RFX3: variants seen among roughly 807,000 people sequenced by gnomAD.
The protein encoded by RFX3 is regulatory factor X3.
RFX3 carries 14 observed loss-of-function variants against 98.6 expected under a neutral mutation model. The observed-to-expected ratio is 0.14, with a 90% CI of 0.09 to 0.22. The LOEUF (loss-of-function observed/expected upper bound fraction) is 0.22, where lower values mean the gene tolerates loss of function less well. Among genes scored for constraint, RFX3 ranks in the 10% least tolerant of loss-of-function variants. RFX3 has a pLI of 1.00. For synonymous variants in RFX3, 383 were observed against 328.4 expected, an observed-to-expected ratio of 1.17 and a Z score of -1.80; for missense variants, 639 against 926.9, an observed-to-expected ratio of 0.69 and a Z score of 4.03.
intron 1 of RFX3, among the ~76,000 whole-genome samples, chr9:3,411,698 C>T (rs915479389): frequency 1.3e-5 from 2 of 151,510 alleles, no homozygotes; most frequent in Non-Finnish European, 2.9e-5. Flanking sequence ...ACCATGTTGG[C>T]CAGGCTGGTC....
At chr9:3,274,663 G>T (rs658368) in intron 9 of RFX3, among the ~76,000 whole-genome samples, 3 of 152,152 alleles carry the variant, frequency 2.0e-5, no homozygotes, top group African/African-American at 7.2e-5. Context: ...ACCTAAGGTG[G>T]TTTATTAAAC....
chr9:3,311,104 T>G, intron 4 of RFX3, among the ~76,000 whole-genome samples: 1 of 152,228 alleles, frequency 6.6e-6, no homozygotes, highest in Non-Finnish European at 1.5e-5. Flanking sequence ...TCTGTTAACA[T>G]CATCAGTGAG....
At chr9:3,391,487 C>G (rs539342588) in intron 2 of RFX3, among the ~76,000 whole-genome samples, 6 of 152,206 alleles carry the variant, frequency 3.9e-5, no homozygotes, top group Admixed American at 2.0e-4. Flanking sequence ...ACCTTCTTTG[C>G]TCGGTGTAAA....
intron 1 of RFX3, among the ~76,000 whole-genome samples, chr9:3,447,975 C>G (rs1846196032): frequency 1.3e-5 from 2 of 152,054 alleles, no homozygotes; most frequent in Admixed American, 6.6e-5. Flanking sequence ...CAACTATGAG[C>G]CAATGGGAAG....
At chr9:3,379,845 TTA>T (rs1421626322) in intron 2 of RFX3, among the ~76,000 whole-genome samples, 1 of 152,120 alleles carries the variant, frequency 6.6e-6, no homozygotes, top group Non-Finnish European at 1.5e-5. Context: ...ACTACATCAA[TTA>T]TTTTTTCATT....
At chr9:3,376,608 T>C (rs1838527562) in intron 2 of RFX3, among the ~76,000 whole-genome samples, 1 of 152,148 alleles carries the variant, frequency 6.6e-6, no homozygotes, top group Admixed American at 6.5e-5. Flanking sequence ...CTAACTGAAC[T>C]AAAGAGCTTC....
At chr9:3,434,477 T>A (rs1175654258) in intron 1 of RFX3, among the ~76,000 whole-genome samples, 1 of 152,126 alleles carries the variant, frequency 6.6e-6, no homozygotes, top group African/African-American at 2.4e-5. Flanking sequence ...CTACAAAAGC[T>A]AGTTGTTGAC....
chr9:3,512,514 TTG>T (rs1302590384), intron 1 of RFX3, among the ~76,000 whole-genome samples: 2 of 151,948 alleles, frequency 1.3e-5, no homozygotes, highest in African/African-American at 4.8e-5. Context: ...TATGCTAATT[TTG>T]TGTTTTTTAT....
At chr9:3,486,599 T>C (rs1850296124) in intron 1 of RFX3, among the ~76,000 whole-genome samples, 1 of 152,210 alleles carries the variant, frequency 6.6e-6, no homozygotes, top group Non-Finnish European at 1.5e-5. Context: ...TCAGAGTGTT[T>C]AGTTTAGTAC....
At chr9:3,495,188 C>T (rs1450000419) in intron 1 of RFX3, among the ~76,000 whole-genome samples, 1 of 151,632 alleles carries the variant, frequency 6.6e-6, no homozygotes, top group Non-Finnish European at 1.5e-5. Flanking sequence ...AAAAAGATAA[C>T]CATAAAGCAA....
intron 1 of RFX3, among the ~76,000 whole-genome samples, chr9:3,419,967 GC>G (rs1843304484): frequency 6.6e-6 from 1 of 152,180 alleles, no homozygotes. Context: ...AAATCAATCA[GC>G]TTTTTCTCCT....
At chr9:3,503,841 T>C (rs1587876567) in intron 1 of RFX3, among the ~76,000 whole-genome samples, 1 of 152,070 alleles carries the variant, frequency 6.6e-6, no homozygotes, top group Non-Finnish European at 1.5e-5. Context: ...GAAGCCATCA[T>C]ATGCAAAGAT....
intron 1 of RFX3, among the ~76,000 whole-genome samples, chr9:3,492,645 T>A (rs147315742): frequency 6.6e-5 from 10 of 152,254 alleles, no homozygotes; most frequent in African/African-American, 1.9e-4. Flanking sequence ...TGCAGGATGA[T>A]CTTGTGGGCA....
chr9:3,521,185 G>A (rs1818674364), intron 1 of RFX3, among the ~76,000 whole-genome samples: 1 of 152,124 alleles, frequency 6.6e-6, no homozygotes, highest in Admixed American at 6.5e-5. Context: ...TCGCCAAATA[G>A]TATGATTCTC....
intron 2 of RFX3, among the ~76,000 whole-genome samples, chr9:3,374,889 A>T (rs1490816163): frequency 6.6e-6 from 1 of 151,904 alleles, no homozygotes; most frequent in African/African-American, 2.4e-5. Context: ...ACTGGAGTAG[A>T]TAACATTTAA....
intron 1 of RFX3, among the ~76,000 whole-genome samples, chr9:3,422,236 T>C (rs560578525): frequency 2.4e-4 from 37 of 152,338 alleles, no homozygotes; most frequent in Middle Eastern, 6.8e-3. Context: ...AAAACTAGTC[T>C]TGTTTCAGCC....
intron 1 of RFX3, among the ~76,000 whole-genome samples, chr9:3,435,815 A>AG (rs1845074981): frequency 6.6e-6 from 1 of 151,432 alleles, no homozygotes; most frequent in Admixed American, 6.6e-5. Context: ...AAAAAAAAAA[A>AG]AAAAAAAAAA....
At chr9:3,517,759 C>A (rs1252802073) in intron 1 of RFX3, among the ~76,000 whole-genome samples, 1 of 152,208 alleles carries the variant, frequency 6.6e-6, no homozygotes, top group Non-Finnish European at 1.5e-5. Context: ...TGAATCAAAA[C>A]CACACTCAAA....
chr9:3,414,358 C>T (rs965236174), intron 1 of RFX3, among the ~76,000 whole-genome samples: 5 of 151,962 alleles, frequency 3.3e-5, no homozygotes, highest in African/African-American at 1.2e-4. Flanking sequence ...AAGTCATTAT[C>T]TTGCAAAATC....
Sources: allele counts gnomAD v4.1 joint callset (sites outside exome capture counted in the v4.1 genomes callset), GRCh38; gene constraint gnomAD v4.1.1; transcripts MANE v1.5; gene names NCBI Gene and HGNC (gene_info 2026-07-23, HGNC 2026-07-21).